The following CHN2 variants were observed in gnomAD, a reference collection of about 807,000 sequenced individuals.
CHN2 encodes the protein beta-chimaerin.
In CHN2, 35 loss-of-function variants were observed where a neutral mutation model predicts 56.3. The ratio of observed to expected loss-of-function variants is 0.62; its 90% CI spans 0.47 to 0.82. The LOEUF (loss-of-function observed/expected upper bound fraction) is 0.82, where lower values mean the gene tolerates loss of function less well. CHN2 is among the 40% of genes least tolerant of loss of function. CHN2 has a pLI of 0.00. For missense variants in CHN2, 491 were observed against 580.5 expected (o/e 0.85, Z 1.58); for synonymous variants, 210 against 212.8 (o/e 0.99, Z 0.12).
chr7:29,503,700 T>C (rs1190941968), intron 9 of CHN2, among the ~76,000 whole-genome samples: 1 of 152,224 alleles, frequency 6.6e-6, no homozygotes, highest in Non-Finnish European at 1.5e-5. Flanking sequence ...AAGACCCTTA[T>C]ATATGGCAGA....
At chr7:29,228,940 G>C (rs1786449730) in intron 1 of CHN2, among the ~76,000 whole-genome samples, 1 of 152,194 alleles carries the variant, frequency 6.6e-6, no homozygotes, top group Non-Finnish European at 1.5e-5. Flanking sequence ...CTCCCGCTCT[G>C]CTCCAGTCGG....
intron 1 of CHN2, among the ~76,000 whole-genome samples, chr7:29,283,107 C>T (rs1243697586): frequency 3.3e-5 from 5 of 152,122 alleles, no homozygotes; most frequent in Non-Finnish European, 5.9e-5. Context: ...GAGAGTGCGT[C>T]GATGTCTGAC....
intron 3 of CHN2, among the ~76,000 whole-genome samples, chr7:29,368,227 A>G (rs990169299): frequency 1.3e-5 from 2 of 152,190 alleles, no homozygotes; most frequent in Non-Finnish European, 2.9e-5. Context: ...GACAAATTAA[A>G]CAACCTTTGT....
intron 6 of CHN2, among the ~76,000 whole-genome samples, chr7:29,417,043 G>C (rs1378925053): frequency 2.6e-5 from 4 of 152,142 alleles, no homozygotes; most frequent in African/African-American, 9.7e-5. Flanking sequence ...ATGCCGCCGG[G>C]TAGCATCTCA....
At chr7:29,500,168 C>T in intron 9 of CHN2, 128 bp downstream of exon 9, 1 of 571,584 alleles carries the variant, frequency 1.7e-6, no homozygotes, top group Admixed American at 3.7e-5. Context: ...TGTGTGCGCA[C>T]ACACACACTC....
chr7:29,459,275 T>C (rs914494411), intron 6 of CHN2, among the ~76,000 whole-genome samples: 3 of 152,252 alleles, frequency 2.0e-5, no homozygotes, highest in African/African-American at 7.2e-5. Context: ...GTTTCTTCCC[T>C]CCTGTGTTTT....
At chr7:29,186,178 A>G (rs1798680511) in intron 2 of CHN2, among the ~76,000 whole-genome samples, 1 of 152,130 alleles carries the variant, frequency 6.6e-6, no homozygotes, top group South Asian at 2.1e-4. Context: ...TGTCCTTGCC[A>G]GGGCCCTTGG....
intron 2 of CHN2, among the ~76,000 whole-genome samples, chr7:29,170,592 G>T (rs764269772): frequency 6.6e-6 from 1 of 152,128 alleles, no homozygotes; most frequent in South Asian, 2.1e-4. Context: ...CATGACAAAT[G>T]TATGTCTTCT....
intron 6 of CHN2, among the ~76,000 whole-genome samples, chr7:29,405,271 G>A (rs900721745): frequency 4.7e-5 from 7 of 148,068 alleles, no homozygotes; most frequent in African/African-American, 1.7e-4. Flanking sequence ...AGCTCAACCC[G>A]ATGCTGATAG....
chr7:29,423,828 C>T (rs577320869), intron 6 of CHN2, among the ~76,000 whole-genome samples: 70 of 152,326 alleles, frequency 4.6e-4, no homozygotes, highest in Non-Finnish European at 8.5e-4. Flanking sequence ...TCCATTGAAA[C>T]ATCCCATATC....
rs552644695 is a variant in CHN2 at position 29,280,870 on chromosome 7, G to T, written c.50-73755G>T. Reference sequence around the variant, plus strand: ...CCAGCACTTTGGGAGGCTGAGGCAGGTGGATCACCTGAGGTCAGGAGTTCA... The same window carrying T: ...CCAGCACTTTGGGAGGCTGAGGCAGTTGGATCACCTGAGGTCAGGAGTTCA... On this transcript the variant is annotated intron_variant, in intron 1 of 12. Transcript: ENST00000222792. 2.7e-3 allele frequency among the ~76,000 whole-genome samples: 409 copies of T among 152,278 alleles called. 2 individuals are homozygous for T. The highest frequency in any genetic ancestry group is 9.6e-3 in the African/African-American group (397 of 41,554).
intron 6 of CHN2, among the ~76,000 whole-genome samples, chr7:29,469,811 A>G (rs1408396908): frequency 6.6e-6 from 1 of 151,972 alleles, no homozygotes; most frequent in African/African-American, 2.4e-5. Flanking sequence ...TTTGTTGTCT[A>G]CTCTCTTAGA....
chr7:29,238,599 T>C (rs1787392801), intron 1 of CHN2, among the ~76,000 whole-genome samples: 1 of 152,126 alleles, frequency 6.6e-6, no homozygotes, highest in Admixed American at 6.5e-5. Context: ...ATGTTCTAGC[T>C]GAGAGTTACA....
chr7:29,149,420 C>T (rs950869472), intron 2 of CHN2, among the ~76,000 whole-genome samples: 20 of 152,080 alleles, frequency 1.3e-4, no homozygotes, highest in African/African-American at 4.8e-4. Flanking sequence ...TCTCGAACTC[C>T]TGACCGCAAG....
intron 8 of CHN2, among the ~76,000 whole-genome samples, chr7:29,499,209 G>T (rs1342554926): frequency 6.6e-6 from 1 of 152,052 alleles, no homozygotes; most frequent in Non-Finnish European, 1.5e-5. Context: ...ACATTACATG[G>T]TATTGTTATA....
chr7:29,154,671 T>TA (rs555799459), intron 2 of CHN2, among the ~76,000 whole-genome samples: 351 of 152,034 alleles, frequency 2.3e-3, no homozygotes, highest in African/African-American at 8.1e-3. Flanking sequence ...TCATCTCTAC[T>TA]AAAAATAAAA....
chr7:29,204,259 C>CCAAA (rs2067162), intron 1 of CHN2, among the ~76,000 whole-genome samples: 57,706 of 151,462 alleles, frequency 0.38, 12,473 homozygotes, highest in African/African-American at 0.59. Flanking sequence ...GGATTAGGTT[C>CCAAA]CAATTATTTC....
intron 2 of CHN2, among the ~76,000 whole-genome samples, chr7:29,187,855 T>C (rs1442850325): frequency 6.6e-6 from 1 of 152,228 alleles, no homozygotes; most frequent in East Asian, 1.9e-4. Context: ...AATAACATTA[T>C]TGTTGGGCAT....
chr7:29,471,482 T>C (rs1786029200), intron 6 of CHN2, among the ~76,000 whole-genome samples: 1 of 152,174 alleles, frequency 6.6e-6, no homozygotes, highest in Admixed American at 6.5e-5. Context: ...CCAGGAAGCA[T>C]CAGGTTATTT....
Sources: gnomAD v4.1 joint callset for allele counts (sites outside exome capture counted in the v4.1 genomes callset) on GRCh38, gnomAD v4.1.1 for gene constraint, MANE v1.5 for transcripts, NCBI Gene and HGNC (gene_info 2026-07-23, HGNC 2026-07-21) for gene names.